Variants in EBF1 observed in about 807,000 individuals in gnomAD.
EBF1 encodes the protein EBF transcription factor 1.
EBF1 carries 10 observed loss-of-function variants against 68.4 expected under a neutral mutation model. That is an observed-to-expected ratio of 0.15 (90% CI 0.09 to 0.25). The LOEUF is 0.25. Among genes scored for constraint, EBF1 ranks in the 10% least tolerant of loss-of-function variants. EBF1 has a pLI of 1.00. For synonymous variants in EBF1, 298 were observed against 299.8 expected (o/e 0.99, Z 0.06); for missense variants, 509 against 794.4 (o/e 0.64, Z 4.32).
intron 10 of EBF1, among the ~76,000 whole-genome samples, chr5:158,762,382 C>T (rs1393945461): frequency 6.6e-6 from 1 of 152,226 alleles, no homozygotes; most frequent in African/African-American, 2.4e-5. Flanking sequence ...CCTGTAGCAT[C>T]AATGGACAAC....
Position 159,073,607 on chromosome 5 carries a change from A to G in EBF1, c.486-143T>C, listed in dbSNP as rs139983246. 230 of 825,896 alleles carry G rather than the reference A, an allele frequency of 2.8e-4. 1 individual carries two copies. The African/African-American group carries it at 3.0e-3, about 11-fold the overall frequency. 51.2% of individuals were successfully genotyped at this position (825,896 alleles called of 1,614,324 possible). ...CTGGCAATCAACGGATCCCTGGGAC[A>G]GATAATTCTATTTGGGTCACCTATG... On this transcript the variant is annotated intron_variant, in intron 5 of 15. Transcript: ENST00000313708.
chr5:159,042,039 T>C (rs1289967011), intron 6 of EBF1, among the ~76,000 whole-genome samples: 1 of 152,134 alleles, frequency 6.6e-6, no homozygotes, highest in Non-Finnish European at 1.5e-5. Flanking sequence ...TGCAAAGCAT[T>C]CCCATTATAG....
intron 6 of EBF1, among the ~76,000 whole-genome samples, chr5:158,984,536 C>T (rs1005564503): frequency 2.6e-5 from 4 of 152,090 alleles, no homozygotes; most frequent in Non-Finnish European, 5.9e-5. Flanking sequence ...TTTCAATTTT[C>T]TCTTAATTGT....
intron 6 of EBF1, among the ~76,000 whole-genome samples, chr5:158,879,555 G>A (rs1798440490): frequency 6.6e-6 from 1 of 152,154 alleles, no homozygotes; most frequent in South Asian, 2.1e-4. Context: ...AAAAGTTGTA[G>A]GCATTGATAG....
intron 6 of EBF1, among the ~76,000 whole-genome samples, chr5:159,038,237 T>C (rs1482087952): frequency 1.3e-5 from 2 of 152,114 alleles, no homozygotes; most frequent in African/African-American, 2.4e-5. Context: ...ATAAGCTTTA[T>C]GGCAAAAAGA....
intron 6 of EBF1, among the ~76,000 whole-genome samples, chr5:159,002,115 T>G (rs926398498): frequency 2.0e-5 from 3 of 151,600 alleles, no homozygotes; most frequent in Non-Finnish European, 4.4e-5. Flanking sequence ...AACAGCCCAG[T>G]AGAATAAGGT....
intron 6 of EBF1, among the ~76,000 whole-genome samples, chr5:159,070,124 T>TA (rs1364508098): frequency 2.0e-5 from 3 of 152,210 alleles, no homozygotes; most frequent in African/African-American, 7.2e-5. Flanking sequence ...TATTTGCTAT[T>TA]AAACATAACA....
At chr5:158,829,478 C>A (rs1786994113) in intron 7 of EBF1, among the ~76,000 whole-genome samples, 1 of 151,904 alleles carries the variant, frequency 6.6e-6, no homozygotes, top group Non-Finnish European at 1.5e-5. Flanking sequence ...AGCCACCACA[C>A]CCGGCCCACA....
At chr5:158,951,548 C>T (rs973863851) in intron 6 of EBF1, among the ~76,000 whole-genome samples, 8 of 152,208 alleles carry the variant, frequency 5.3e-5, no homozygotes, top group African/African-American at 1.9e-4. Flanking sequence ...GGGTCTTCTT[C>T]CCGCCAATGT....
rs1166981607 is a variant in EBF1, at chr5:158,756,560, C to T, written c.1036+20853G>A. Among the ~76,000 whole-genome samples, 5 of 151,804 alleles carry T rather than the reference C, an allele frequency of 3.3e-5. No individual in the cohort carries two copies. In the East Asian group the frequency reaches 9.7e-4, roughly 29 times the overall value. On this transcript the variant is annotated intron_variant, in intron 10 of 15. Coordinates refer to ENST00000313708, the MANE Select transcript of EBF1 (RefSeq NM_024007.5). ...TATAAACGTAATGGTTTTTGAATTC[C>T]TTTTTTATTCCTTCATCAATCCACT... is the stretch of plus-strand genomic sequence containing the variant.
chr5:159,004,445 T>A (rs181580105), intron 6 of EBF1, among the ~76,000 whole-genome samples: 1 of 152,304 alleles, frequency 6.6e-6, no homozygotes, highest in East Asian at 1.9e-4. Context: ...TCAACAGCTC[T>A]GACTTACAGG....
chr5:158,802,766 TCA>T (rs1370186643), intron 8 of EBF1, among the ~76,000 whole-genome samples: 1 of 152,162 alleles, frequency 6.6e-6, no homozygotes, highest in Non-Finnish European at 1.5e-5. Flanking sequence ...GGCACTCACC[TCA>T]CAGAGTTCCA....
chr5:159,012,158 G>A (rs987799647), intron 6 of EBF1, among the ~76,000 whole-genome samples: 4 of 151,940 alleles, frequency 2.6e-5, no homozygotes, highest in Non-Finnish European at 5.9e-5. Flanking sequence ...GTGGTGGCAC[G>A]CGCCTGTAAT....
At chr5:158,954,248 G>A (rs1816619663) in intron 6 of EBF1, among the ~76,000 whole-genome samples, 2 of 152,218 alleles carry the variant, frequency 1.3e-5, no homozygotes, top group African/African-American at 4.8e-5. Flanking sequence ...CGAAGCTAAA[G>A]AGTCACTCTG....
At chr5:159,085,763 A>G (rs1412634301) in intron 4 of EBF1, among the ~76,000 whole-genome samples, 1 of 152,084 alleles carries the variant, frequency 6.6e-6, no homozygotes, top group Admixed American at 6.5e-5. Context: ...TATATAGTAC[A>G]TATATCTTAA....
intron 6 of EBF1, among the ~76,000 whole-genome samples, chr5:158,936,979 G>A (rs1225709157): frequency 6.6e-6 from 1 of 151,966 alleles, no homozygotes; most frequent in African/African-American, 2.4e-5. Flanking sequence ...CAAAGAGAGG[G>A]TCATGGAGGA....
At chr5:158,853,964 C>A (rs56364901) in intron 6 of EBF1, among the ~76,000 whole-genome samples, 8,200 of 152,158 alleles carry the variant, frequency 0.054, 289 homozygotes, top group Non-Finnish European at 0.071. Context: ...ACTCAAGAGT[C>A]AACGTCTTGT....
Position 158,972,314 on chromosome 5 carries a change from C to T in EBF1, c.554+101082G>A, listed in dbSNP as rs191564716. Among the ~76,000 whole-genome samples the T allele has an allele frequency of 1.5e-4, 23 of 152,250 alleles. 1 individual carries two copies. In the South Asian group the frequency reaches 2.9e-3, roughly 19 times the overall value. ...TGCCCATATTACCCACGTACTGTCT[C>T]GTATATTTAGGTACACAGTTGTCAC... On this transcript the variant is annotated intron_variant, in intron 6 of 15. Transcript: ENST00000313708.
chr5:159,051,494 GTTT>G (rs1229563725), intron 6 of EBF1, among the ~76,000 whole-genome samples: 1 of 146,330 alleles, frequency 6.8e-6, no homozygotes, highest in African/African-American at 2.5e-5. Flanking sequence ...TGCGACTCGT[GTTT>G]CGGCTTTCGC....
Sources: allele counts gnomAD v4.1 joint callset (sites outside exome capture counted in the v4.1 genomes callset), GRCh38; gene constraint gnomAD v4.1.1; transcripts MANE v1.5; gene names NCBI Gene and HGNC (gene_info 2026-07-23, HGNC 2026-07-21).